The following ANXA8 variants were observed in gnomAD, a reference collection of about 807,000 sequenced individuals.
ANXA8 encodes the protein annexin A8.
In ANXA8, 9 loss-of-function variants were observed where a neutral mutation model predicts 26.8. That is an observed-to-expected ratio of 0.34 (90% CI 0.20 to 0.59). The LOEUF (loss-of-function observed/expected upper bound fraction) is 0.59. Among genes scored for constraint, ANXA8 ranks in the 20% least tolerant of loss-of-function variants. The pLI is 0.84. For missense variants in ANXA8, 83 were observed against 238.5 expected (o/e 0.35, Z 4.29); for synonymous variants, 39 against 94.8 (o/e 0.41, Z 3.42).
At chr10:47,594,706 T>C in the ANXA8 span, among the ~76,000 whole-genome samples, 10 of 148,310 alleles carry the variant, frequency 6.7e-5, no homozygotes, top group Admixed American at 2.7e-4. Flanking sequence ...AACCCAGTCA[T>C]GCAAAAATAA....
the ANXA8 span, among the ~76,000 whole-genome samples, chr10:47,496,649 G>A: frequency 2.8e-5 from 4 of 140,832 alleles, no homozygotes; most frequent in African/African-American, 7.8e-5. Flanking sequence ...TTAGTCTCTC[G>A]CCGTTTTGTA....
the ANXA8 span, among the ~76,000 whole-genome samples, chr10:47,729,161 TTG>T: frequency 6.8e-6 from 1 of 146,340 alleles, no homozygotes; most frequent in Non-Finnish European, 1.5e-5. Flanking sequence ...ACAATTAAAG[TTG>T]TACTTCTTGG....
chr10:47,484,139 G>A (rs1358529231), upstream of ANXA8: 7 of 1,253,812 alleles, frequency 5.6e-6, no homozygotes, highest in Non-Finnish European at 8.0e-6. Flanking sequence ...CATCTCCTGT[G>A]GCTCCCAGGC....
At chr10:47,733,219 T>TTCTTTCTCTCTCTCTC in the ANXA8 span, among the ~76,000 whole-genome samples, 26 of 68,002 alleles carry the variant, frequency 3.8e-4, no homozygotes, top group Non-Finnish European at 5.9e-4. Flanking sequence ...CTTTCTTTCT[T>TTCTTTCTCTCTCTCTC]TCTCTTTCTT....
the ANXA8 span, among the ~76,000 whole-genome samples, chr10:47,709,784 C>T: frequency 9.8e-5 from 9 of 91,840 alleles, no homozygotes; most frequent in Non-Finnish European, 1.9e-4. Flanking sequence ...AGTGAGGTGG[C>T]TCTGAGCCTG....
the ANXA8 span, among the ~76,000 whole-genome samples, chr10:47,658,309 C>G: frequency 6.6e-6 from 1 of 151,324 alleles, no homozygotes; most frequent in Non-Finnish European, 1.5e-5. Context: ...TCACTTGAAC[C>G]CGGGAGACGG....
chr10:47,701,111 T>G, the ANXA8 span, among the ~76,000 whole-genome samples: 1 of 147,434 alleles, frequency 6.8e-6, no homozygotes, highest in African/African-American at 2.5e-5. Flanking sequence ...AAAAAAGATA[T>G]AAAAATGGCT....
the ANXA8 span, chr10:47,489,693 G>T: frequency 1.7e-6 from 1 of 594,052 alleles, no homozygotes; most frequent in Non-Finnish European, 3.0e-6. Context: ...AGAGCAGGCC[G>T]GCTGCCCCCG....
chr10:47,584,530 CT>C, the ANXA8 span, among the ~76,000 whole-genome samples: 1 of 107,630 alleles, frequency 9.3e-6, no homozygotes, highest in Admixed American at 1.0e-4. Context: ...AGTAATCTTG[CT>C]TTTACAGCAA....
the ANXA8 span, among the ~76,000 whole-genome samples, chr10:47,525,282 TG>T: frequency 7.8e-6 from 1 of 128,598 alleles, no homozygotes; most frequent in Non-Finnish European, 1.6e-5. Context: ...TGTGCATGCC[TG>T]TAATCCCAGC....
In ANXA8 at chr10:47,469,030, T is replaced by G. The variant is rs1409812714; in HGVS notation, c.925-124A>C. Reference sequence around the variant, plus strand: ...TGCACCTGGCCCGGCCCTCCAGGGTTCCTAGCCGCAGGGGTTGTGCCATCA... The same window carrying G: ...TGCACCTGGCCCGGCCCTCCAGGGTGCCTAGCCGCAGGGGTTGTGCCATCA... On this transcript the variant is annotated intron_variant, in intron 11 of 11. Transcript: ENST00000585281. The G allele has an allele frequency of 2.0e-4, 270 of 1,381,924 alleles. 1 individual carries two copies. The African/African-American group carries it at 3.6e-3, about 19-fold the overall frequency. The allele number at this position is 1,381,924 out of a possible 1,614,324, so 85.6% of individuals were successfully genotyped here. A position where few individuals can be genotyped will look rare whatever the true frequency, so the allele number is the denominator to read the frequency against.
At chr10:47,626,390 G>A in the ANXA8 span, among the ~76,000 whole-genome samples, 1 of 150,158 alleles carries the variant, frequency 6.7e-6, no homozygotes, top group African/African-American at 2.5e-5. Flanking sequence ...TACCTAATGT[G>A]GAAAGAAATA....
At chr10:47,701,876 G>C in the ANXA8 span, among the ~76,000 whole-genome samples, 10 of 151,740 alleles carry the variant, frequency 6.6e-5, no homozygotes, top group East Asian at 1.6e-3. Context: ...TACACAGAAG[G>C]GGGTGGGGAA....
the ANXA8 span, among the ~76,000 whole-genome samples, chr10:47,959,044 G>C: frequency 6.7e-6 from 1 of 149,740 alleles, no homozygotes; most frequent in African/African-American, 2.5e-5. Flanking sequence ...GAGGGCCGGG[G>C]GATGAGCCCA....
chr10:47,493,974 CTG>C, the ANXA8 span, among the ~76,000 whole-genome samples: 1 of 120,512 alleles, frequency 8.3e-6, no homozygotes, highest in Non-Finnish European at 1.7e-5. Flanking sequence ...GCTGCTGCTG[CTG>C]TGACCAGATT....
At chr10:47,644,621 T>G in the ANXA8 span, among the ~76,000 whole-genome samples, 2 of 152,018 alleles carry the variant, frequency 1.3e-5, no homozygotes, top group African/African-American at 4.8e-5. Flanking sequence ...CCTAGTATTG[T>G]CATTACGTGT....
the ANXA8 span, among the ~76,000 whole-genome samples, chr10:47,693,220 A>T: frequency 6.6e-6 from 1 of 151,846 alleles, no homozygotes; most frequent in Non-Finnish European, 1.5e-5. Flanking sequence ...TAGTCCTACC[A>T]AATAGTTTAC....
the ANXA8 span, chr10:47,753,360 C>G: frequency 1.1e-5 from 1 of 88,240 alleles, no homozygotes; most frequent in African/African-American, 4.8e-5. Context: ...TACATCAATA[C>G]TGCAACACAG....
chr10:47,605,932 GAA>G, the ANXA8 span, among the ~76,000 whole-genome samples: 25 of 95,590 alleles, frequency 2.6e-4, no homozygotes, highest in Non-Finnish European at 1.1e-4. Flanking sequence ...AGTTTTAAAA[GAA>G]AAAAAAAAAA....
Sources: gnomAD v4.1 joint callset for allele counts (sites outside exome capture counted in the v4.1 genomes callset) on GRCh38, gnomAD v4.1.1 for gene constraint, MANE v1.5 for transcripts, NCBI Gene and HGNC (gene_info 2026-07-23, HGNC 2026-07-21) for gene names.